Variants in CSMD1 observed in about 807,000 individuals in gnomAD.
CSMD1 encodes CUB and sushi domain-containing protein 1.
A neutral mutation model predicts 417.5 loss-of-function variants in CSMD1; 213 were observed. The observed-to-expected ratio is 0.51, with a 90% CI of 0.46 to 0.57. The LOEUF is 0.57. Among genes scored for constraint, CSMD1 ranks in the 20% least tolerant of loss-of-function variants. The pLI is 0.00. For missense variants in CSMD1, 6,923 were observed against 4,529.7 expected (o/e 1.53, Z -15.17); for synonymous variants, 2,862 against 1,736.8 (o/e 1.65, Z -16.11).
intron 1 of CSMD1, among the ~76,000 whole-genome samples, chr8:4,692,197 G>A (rs1238191914): frequency 5.3e-5 from 8 of 152,184 alleles, no homozygotes; most frequent in Admixed American, 5.2e-4. Flanking sequence ...ACCTCACAGG[G>A]AAATCATGGC....
chr8:4,248,211 A>G (rs372101909), intron 3 of CSMD1, among the ~76,000 whole-genome samples: 2 of 152,168 alleles, frequency 1.3e-5, no homozygotes, highest in African/African-American at 4.8e-5. Context: ...ATGACATGCC[A>G]TTTCCAACAG....
At chr8:4,384,553 G>A (rs974005967) in intron 3 of CSMD1, among the ~76,000 whole-genome samples, 1 of 152,136 alleles carries the variant, frequency 6.6e-6, no homozygotes, top group South Asian at 2.1e-4. Context: ...TCCTACCCCT[G>A]TATCAGTGCT....
At chr8:4,658,708 T>C (rs920446066) in intron 1 of CSMD1, among the ~76,000 whole-genome samples, 1 of 152,160 alleles carries the variant, frequency 6.6e-6, no homozygotes, top group Non-Finnish European at 1.5e-5. Context: ...CTGGTAAATA[T>C]AAAAGTCACT....
intron 5 of CSMD1, among the ~76,000 whole-genome samples, chr8:3,971,919 T>G (rs977555017): frequency 6.6e-6 from 1 of 152,182 alleles, no homozygotes; most frequent in Non-Finnish European, 1.5e-5. Context: ...TGTTTGTCTA[T>G]TTTTTTGAGA....
At chr8:3,546,035 A>G (rs1798644906) in intron 10 of CSMD1, among the ~76,000 whole-genome samples, 1 of 152,256 alleles carries the variant, frequency 6.6e-6, no homozygotes, top group Non-Finnish European at 1.5e-5. Flanking sequence ...CTAATAAACC[A>G]AAATGCAGTT....
rs192879463 is a variant in CSMD1, at chr8:3,367,543, A to G, written c.2900-296T>C. Among the ~76,000 whole-genome samples, 37 of 152,292 alleles carry G rather than the reference A, an allele frequency of 2.4e-4. 1 individual carries two copies. In the South Asian group the frequency reaches 3.9e-3, roughly 16 times the overall value. On this transcript the variant is annotated intron_variant, in intron 19 of 69. Transcript: ENST00000635120. ...TCTGGACTTAGACACATCAAGCCTT[A>G]ATCAAAATATTAAAATGTTATCTTG...
intron 3 of CSMD1, among the ~76,000 whole-genome samples, chr8:4,267,805 T>C (rs542234267): frequency 9.9e-5 from 15 of 152,226 alleles, no homozygotes; most frequent in South Asian, 4.1e-4. Flanking sequence ...AAAAGGTACA[T>C]TGCAGGTGTG....
chr8:3,263,138 G>A (rs1192884606), intron 26 of CSMD1, among the ~76,000 whole-genome samples: 1 of 151,966 alleles, frequency 6.6e-6, no homozygotes, highest in Non-Finnish European at 1.5e-5. Context: ...TCACTTTGTT[G>A]TCCAGGCTGG....
intron 7 of CSMD1, among the ~76,000 whole-genome samples, chr8:3,636,053 C>T (rs1384139993): frequency 6.7e-6 from 1 of 149,254 alleles, no homozygotes; most frequent in Non-Finnish European, 1.5e-5. Context: ...TATCCTTACT[C>T]TATAAGCTTT....
chr8:4,643,900 G>C (rs915149691), intron 1 of CSMD1, among the ~76,000 whole-genome samples: 5 of 152,150 alleles, frequency 3.3e-5, no homozygotes, highest in African/African-American at 9.7e-5. Context: ...CCCTGTAGGA[G>C]GCTTTGAAAG....
At chr8:3,361,081 T>G (rs979537847) in intron 20 of CSMD1, among the ~76,000 whole-genome samples, 3 of 152,186 alleles carry the variant, frequency 2.0e-5, no homozygotes, top group African/African-American at 7.2e-5. Context: ...TTGATAACCT[T>G]GAGATATACT....
chr8:3,994,573 G>A (rs535277480), intron 5 of CSMD1, among the ~76,000 whole-genome samples: 11 of 151,394 alleles, frequency 7.3e-5, no homozygotes, highest in African/African-American at 2.2e-4. Flanking sequence ...CTCTGTTAAA[G>A]CAAGGGATTG....
chr8:4,568,413 T>C (rs935136697), intron 2 of CSMD1, among the ~76,000 whole-genome samples: 2 of 152,208 alleles, frequency 1.3e-5, no homozygotes, highest in African/African-American at 4.8e-5. Context: ...GAGAATGGTT[T>C]CCAGCTTCAC....
chr8:3,234,542 G>C (rs1471178037), intron 26 of CSMD1, among the ~76,000 whole-genome samples: 3 of 152,160 alleles, frequency 2.0e-5, no homozygotes, highest in Admixed American at 1.3e-4. Context: ...TGGAAAGAGA[G>C]CGGGAATGAC....
chr8:3,047,923 T>C (rs1811565952), intron 50 of CSMD1, among the ~76,000 whole-genome samples: 1 of 152,224 alleles, frequency 6.6e-6, no homozygotes, highest in African/African-American at 2.4e-5. Flanking sequence ...GAAGGCATTC[T>C]GTTCTGGATG....
chr8:4,591,478 C>T (rs903033337), intron 2 of CSMD1, among the ~76,000 whole-genome samples: 3 of 152,188 alleles, frequency 2.0e-5, no homozygotes, highest in East Asian at 1.9e-4. Flanking sequence ...AGCTATCGAG[C>T]TGTAAACCTG....
chr8:4,487,400 G>A (rs557480107), intron 2 of CSMD1, among the ~76,000 whole-genome samples: 2 of 152,066 alleles, frequency 1.3e-5, no homozygotes, highest in African/African-American at 2.4e-5. Flanking sequence ...CCATCTATGA[G>A]TGAGAACATG....
intron 2 of CSMD1, among the ~76,000 whole-genome samples, chr8:4,461,583 T>C (rs191941912): frequency 6.5e-4 from 99 of 151,596 alleles, no homozygotes; most frequent in Admixed American, 1.6e-3. Flanking sequence ...GGATACATCA[T>C]CCCGTTGCCC....
At chr8:4,626,510 T>A (rs1802122894) in intron 2 of CSMD1, among the ~76,000 whole-genome samples, 1 of 152,012 alleles carries the variant, frequency 6.6e-6, no homozygotes, top group African/African-American at 2.4e-5. Context: ...GAAAATCACG[T>A]TGAGAGAAAG....
Sources: gnomAD v4.1 joint callset for allele counts (sites outside exome capture counted in the v4.1 genomes callset) on GRCh38, gnomAD v4.1.1 for gene constraint, MANE v1.5 for transcripts, NCBI Gene and HGNC (gene_info 2026-07-23, HGNC 2026-07-21) for gene names.